UBAC2: variants seen among roughly 807,000 people sequenced by gnomAD.
UBAC2 encodes the protein ubiquitin-associated domain-containing protein 2.
Under a neutral mutation model 44.0 loss-of-function variants are expected in UBAC2, and 26 were observed. The observed-to-expected ratio is 0.59, with a 90% confidence interval of 0.43 to 0.82. The LOEUF (loss-of-function observed/expected upper bound fraction) is 0.82, where lower values mean the gene tolerates loss of function less well. Ranked by LOEUF, UBAC2 falls within the 40% of genes least tolerant of loss-of-function variation. The probability of loss-of-function intolerance (pLI) is 0.00; values close to 1 mark genes in which losing one functional copy is unlikely to be tolerated. For missense variants in UBAC2, 329 were observed against 419.4 expected (o/e 0.78, Z 1.88); for synonymous variants, 155 against 154.3 (o/e 1.00, Z -0.04).
chr13:99,337,973 T>C (rs2044815350), intron 6 of UBAC2, among the ~76,000 whole-genome samples: 1 of 148,380 alleles, frequency 6.7e-6, no homozygotes, highest in Non-Finnish European at 1.5e-5. Flanking sequence ...ACACATAATA[T>C]ACACTAACAC....
chr13:99,236,857 GCAA>G (rs1298107863), intron 1 of UBAC2, among the ~76,000 whole-genome samples: 2 of 151,766 alleles, frequency 1.3e-5, no homozygotes, highest in Admixed American at 1.3e-4. Flanking sequence ...CTCAAAAACG[GCAA>G]CAACTACCAA....
chr13:99,312,590 T>C (rs2044426754), intron 4 of UBAC2, among the ~76,000 whole-genome samples: 1 of 152,166 alleles, frequency 6.6e-6, no homozygotes, highest in Non-Finnish European at 1.5e-5. Context: ...GATTCACTGA[T>C]TCATTGCAGT....
At position 99,352,038 on chromosome 13, in the gene UBAC2, C is replaced by T. The variant is rs375951956; in HGVS notation, c.807+11473C>T. Among the ~76,000 whole-genome samples the T allele has an allele frequency of 3.1e-3, 472 of 152,328 alleles. 1 individual carries two copies. The highest frequency in any genetic ancestry group is 9.9e-3 in the African/African-American group (411 of 41,568). On this transcript the variant is annotated intron_variant, in intron 7 of 8. Coordinates refer to ENST00000403766, the MANE Select transcript of UBAC2 (RefSeq NM_001144072.2). ...AATTGTTTCTCTCTTTATCCTCCCC[C>T]AGCAACAGCCATTTGGTATCATCTG... is the stretch of plus-strand genomic sequence containing the variant.
At chr13:99,279,901 CAT>C (rs2043930684) in intron 4 of UBAC2, among the ~76,000 whole-genome samples, 1 of 152,210 alleles carries the variant, frequency 6.6e-6, no homozygotes, top group Admixed American at 6.5e-5. Flanking sequence ...AGGATTTTAA[CAT>C]GTGAATTTGG....
intron 4 of UBAC2, chr13:99,254,944 A>T (rs756466021): frequency 2.5e-6 from 4 of 1,614,084 alleles, no homozygotes; most frequent in Middle Eastern, 1.6e-4. Flanking sequence ...TTTTCTGCGC[A>T]TGCTTCGAAG....
chr13:99,247,111 C>G (rs1229572301), intron 4 of UBAC2, among the ~76,000 whole-genome samples: 2 of 152,098 alleles, frequency 1.3e-5, no homozygotes, highest in Non-Finnish European at 2.9e-5. Flanking sequence ...GCTGGAATTG[C>G]AGGTGTGAGC....
chr13:99,364,520 C>T (rs913851544), intron 7 of UBAC2, among the ~76,000 whole-genome samples: 2 of 151,804 alleles, frequency 1.3e-5, no homozygotes, highest in Admixed American at 1.3e-4. Flanking sequence ...TTATGCTAGT[C>T]CCAAAAAATT....
At chr13:99,253,913 T>C (rs780735302) in intron 4 of UBAC2, among the ~76,000 whole-genome samples, 3 of 152,246 alleles carry the variant, frequency 2.0e-5, no homozygotes, top group Admixed American at 6.5e-5. Context: ...GAGGAAGTTA[T>C]AGTTGAATCA....
At chr13:99,317,430 A>G (rs1291746931) in intron 5 of UBAC2, among the ~76,000 whole-genome samples, 1 of 152,188 alleles carries the variant, frequency 6.6e-6, no homozygotes, top group Non-Finnish European at 1.5e-5. Context: ...CATGAGATCT[A>G]ATTCTAATTA....
In UBAC2 at chr13:99,215,396, C is replaced by T. The variant is rs549514265; in HGVS notation, c.31+14457C>T. ...ATTAGACAGTCTTCTGTTGTCCTTT[C>T]TTCCCAATCAGAGATTTGTGGATGT... On this transcript the variant is annotated intron_variant, in intron 1 of 8. Transcript: ENST00000403766. 7.2e-6 allele frequency: 9 copies of T among 1,252,174 alleles called. No homozygotes were observed. The African/African-American group carries it at 1.3e-4, about 18-fold the overall frequency. 77.6% of individuals were successfully genotyped at this position (1,252,174 alleles called of 1,614,324 possible).
At position 99,238,533 on chromosome 13, in the gene UBAC2, C is replaced by T. The variant is rs900517870; in HGVS notation, c.138C>T (p.His46=). The change falls in exon 2 of 9, where the codon CAC becomes CAT. Residue 46 remains histidine (H), a synonymous_variant. Transcript: ENST00000403766. ...HCQKLFVYDL[H]AVKNDFQIWR... ...AGAAGCTCTTTGTGTATGACCTTCA[C>T]GCAGTCAAGAACGACTTCCAGGTAA... 18 of 1,611,542 alleles carry T rather than the reference C, an allele frequency of 1.1e-5. No individual in the cohort carries two copies. Among genetic ancestry groups the T allele is most frequent in the Admixed American group, 3.3e-5 (2 of 59,964 alleles).
At chr13:99,221,010 GCTTA>G (rs1278795241) in intron 1 of UBAC2, among the ~76,000 whole-genome samples, 1 of 151,718 alleles carries the variant, frequency 6.6e-6, no homozygotes, top group Non-Finnish European at 1.5e-5. Flanking sequence ...AATATTTTGC[GCTTA>G]CTATTTAGGA....
intron 8 of UBAC2, among the ~76,000 whole-genome samples, chr13:99,368,269 G>A (rs2045358449): frequency 6.6e-6 from 1 of 152,140 alleles, no homozygotes; most frequent in African/African-American, 2.4e-5. Context: ...CTTTTGTATG[G>A]TTTTGAGTCA....
At chr13:99,224,025 G>GTA (rs1276409496) in intron 1 of UBAC2, among the ~76,000 whole-genome samples, 1 of 152,172 alleles carries the variant, frequency 6.6e-6, no homozygotes, top group Non-Finnish European at 1.5e-5. Flanking sequence ...TTCAGGTCTT[G>GTA]TGTATCCTTA....
At chr13:99,361,085 C>A (rs2045258935) in intron 7 of UBAC2, among the ~76,000 whole-genome samples, 1 of 152,154 alleles carries the variant, frequency 6.6e-6, no homozygotes, top group Non-Finnish European at 1.5e-5. Flanking sequence ...ATGTCAGAAA[C>A]TTTTACTGCT....
At chr13:99,255,026 C>T in intron 4 of UBAC2, 1 of 1,614,172 alleles carries the variant, frequency 6.2e-7, no homozygotes, top group Non-Finnish European at 8.5e-7. Context: ...TAGAGAATCA[C>T]ATCCAGACAC....
At position 99,281,571 on chromosome 13, in the gene UBAC2, A is replaced by G. The variant is rs569759547; in HGVS notation, c.390-32526A>G. ...ACAGCCCTGGAAGGTGAGAACTCGCATCTACTTTGAGGAAACAGGCTCAGA... is the reference window on the plus strand; with the variant it reads ...ACAGCCCTGGAAGGTGAGAACTCGCGTCTACTTTGAGGAAACAGGCTCAGA... On this transcript the variant is annotated intron_variant, in intron 4 of 8. Transcript: ENST00000403766. Among the ~76,000 whole-genome samples, 6 of 152,324 alleles carry G rather than the reference A, an allele frequency of 3.9e-5. No homozygotes were observed. In the East Asian group the frequency reaches 1.2e-3, roughly 29 times the overall value.
intron 4 of UBAC2, among the ~76,000 whole-genome samples, chr13:99,286,731 C>G (rs2044023522): frequency 6.6e-6 from 1 of 152,128 alleles, no homozygotes; most frequent in Admixed American, 6.5e-5. Context: ...ATGTTTAGCT[C>G]CCACTTATAC....
At chr13:99,322,285 T>C (rs889797155) in intron 6 of UBAC2, among the ~76,000 whole-genome samples, 1 of 152,200 alleles carries the variant, frequency 6.6e-6, no homozygotes, top group Non-Finnish European at 1.5e-5. Flanking sequence ...TTACTGAACT[T>C]CATTTAAATT....
Sources: allele counts gnomAD v4.1 joint callset (sites outside exome capture counted in the v4.1 genomes callset), GRCh38; gene constraint gnomAD v4.1.1; transcripts MANE v1.5; gene names NCBI Gene and HGNC (gene_info 2026-07-23, HGNC 2026-07-21).